Variants in DRG2 observed in about 807,000 individuals in gnomAD.
DRG2 encodes the protein developmentally regulated GTP binding protein 2.
DRG2 carries 36 observed loss-of-function variants against 53.4 expected under a neutral mutation model. The observed-to-expected ratio is 0.67, with a 90% CI of 0.52 to 0.89. The LOEUF is 0.89. Ranked by LOEUF, DRG2 falls within the 40% of genes least tolerant of loss-of-function variation. The pLI, the probability that DRG2 is intolerant of heterozygous loss-of-function variation, is 0.00. For synonymous variants in DRG2, 167 were observed against 192.1 expected, an observed-to-expected ratio of 0.87 and a Z score of 1.08; for missense variants, 342 against 481.2, an observed-to-expected ratio of 0.71 and a Z score of 2.71.
At chr17:18,093,777 G>A (rs2045378893) in intron 1 of DRG2, 36 bp from the exon 2 acceptor site, 1 of 1,601,440 alleles carries the variant, frequency 6.2e-7, no homozygotes, top group South Asian at 1.1e-5. Flanking sequence ...TGGACACCCT[G>A]GCCACTCATC....
At chr17:18,088,562 C>T (rs966664367) in intron 1 of DRG2, among the ~76,000 whole-genome samples, 3 of 152,190 alleles carry the variant, frequency 2.0e-5, no homozygotes, top group Non-Finnish European at 2.9e-5. Flanking sequence ...AGGTCCACCA[C>T]GTACCTTCTG....
chr17:18,106,495 C>T lies in DRG2; in HGVS notation c.1008+9C>T, dbSNP rs774161372. The T allele has an allele frequency of 1.1e-5, 17 of 1,613,676 alleles. No individual in the cohort carries two copies. Among genetic ancestry groups the T allele is most frequent in the Non-Finnish European group, 1.4e-5 (16 of 1,179,854 alleles). On this transcript the variant is annotated intron_variant, in intron 12 of 12. Transcript: ENST00000225729. ...AGTACGCCCTGGTGTGGGTGAGTCT[C>T]TGGGTGGAAAGCAACCAGGGGGGTA...
intron 1 of DRG2, among the ~76,000 whole-genome samples, chr17:18,090,407 T>TATATATATATATATATATA (rs71155314): frequency 5.0e-5 from 1 of 19,932 alleles, no homozygotes; most frequent in Non-Finnish European, 9.3e-5. Flanking sequence ...TATATATATA[T>TATATATATATATATATATA]TTTTTTTTTT....
Position 18,100,636 on chromosome 17 carries a change from T to C in DRG2, c.608T>C (p.Val203Ala), listed in dbSNP as rs1030561490. 3 of 1,614,144 alleles carry C rather than the reference T, an allele frequency of 1.9e-6. No individual in the cohort carries two copies. Among genetic ancestry groups the C allele is most frequent in the African/African-American group, 1.3e-5 (1 of 75,062 alleles). The change falls in exon 7 of 13, where the codon GTG (valine) becomes GCG (alanine). Residue 203 changes from valine (V) to alanine (A), a missense_variant. Val to Ala is a moderately conservative substitution (Grantham distance 64, BLOSUM62 0). Coordinates refer to ENST00000225729, the MANE Select transcript of DRG2 (RefSeq NM_001388.5). This position sits in a 1 kb window ranked among gnomAD's most constrained non-coding sequence, Gnocchi z 4.1. ...VTLTQCSEKL[V>A]QLILHEYKIF... ...CTGACCCAGTGCTCGGAAAAGCTGG[T>C]GCAGCTCATCCTGCACGAATACAGT...
At position 18,094,293 on chromosome 17, in the gene DRG2, G is replaced by T. The variant is rs140494697; in HGVS notation, c.225+320G>T. ...CATAGCATGAATGAGACAGAGCTCT[G>T]TCCCTGCCCACATAGATCTCCCATT... On this transcript the variant is annotated intron_variant, in intron 2 of 12. Transcript: ENST00000225729. The T allele has an allele frequency of 4.7e-3, 1,038 of 221,970 alleles. 6 individuals carry two copies. The highest frequency in any genetic ancestry group is 7.4e-3 in the Non-Finnish European group (819 of 111,314). 13.8% of individuals were successfully genotyped at this position (221,970 alleles called of 1,614,324 possible).
chr17:18,095,081 C>T (rs915352828), intron 2 of DRG2, among the ~76,000 whole-genome samples: 1 of 142,814 alleles, frequency 7.0e-6, no homozygotes, highest in African/African-American at 2.6e-5. Context: ...TGGAGTCTTG[C>T]TCGGCTCACT....
chr17:18,090,406 A>ATATTTTTT (rs1555532983), intron 1 of DRG2, among the ~76,000 whole-genome samples: 2 of 22,698 alleles, frequency 8.8e-5, no homozygotes, highest in African/African-American at 2.2e-4. Context: ...ATATATATAT[A>ATATTTTTT]TTTTTTTTTT....
At chr17:18,093,099 T>C (rs2045361871) in intron 1 of DRG2, among the ~76,000 whole-genome samples, 1 of 152,232 alleles carries the variant, frequency 6.6e-6, no homozygotes, top group Non-Finnish European at 1.5e-5. Flanking sequence ...TGACAAGTCA[T>C]GGACTTGGGA....
rs937333329 is a variant in DRG2, at chr17:18,107,431, G to A, written c.*191G>A. The A allele has an allele frequency of 9.6e-6, 6 of 621,834 alleles. No individual in the cohort carries two copies. In the African/African-American group the frequency reaches 1.1e-4, roughly 11 times the overall value. The allele number at this position is 621,834 out of a possible 1,614,324, so 38.5% of individuals were successfully genotyped here. On this transcript the variant is annotated 3_prime_UTR_variant, in exon 13 of 13. Coordinates refer to ENST00000225729, the MANE Select transcript of DRG2 (RefSeq NM_001388.5). ...TGTGTTGGGGCAAAGGGGCTCGGTT[G>A]GAGGCATTTCCCATAAGACTGAGCC...
Position 18,098,961 on chromosome 17 carries a change from G to A in DRG2, c.316-56G>A, listed in dbSNP as rs775064332. 8.6e-5 allele frequency: 137 copies of A among 1,600,296 alleles called. No individual in the cohort carries two copies. Among genetic ancestry groups the A allele is most frequent in the Non-Finnish European group, 1.1e-4 (126 of 1,168,616 alleles). ...TTCCAGATGTCCCAGATCCAGACAGGACCTTTCCAGTGGAGGCCCAGCCTT... is the reference window on the plus strand; with the variant it reads ...TTCCAGATGTCCCAGATCCAGACAGAACCTTTCCAGTGGAGGCCCAGCCTT... On this transcript the variant is annotated intron_variant, in intron 3 of 12. Coordinates refer to ENST00000225729, the MANE Select transcript of DRG2 (RefSeq NM_001388.5). The surrounding 1 kb of genome is among the most constrained non-coding windows in gnomAD (Gnocchi z 4.1).
chr17:18,098,612 C>G lies in DRG2; in HGVS notation c.315+253C>G, dbSNP rs2045473390. The G allele has an allele frequency of 2.1e-6, 1 of 485,526 alleles. No individual in the cohort carries two copies. 30.1% of individuals were successfully genotyped at this position (485,526 alleles called of 1,614,324 possible). A position where few individuals can be genotyped will look rare whatever the true frequency, so the allele number is the denominator to read the frequency against. On this transcript the variant is annotated intron_variant, in intron 3 of 12. Coordinates refer to ENST00000225729, the MANE Select transcript of DRG2 (RefSeq NM_001388.5). The surrounding 1 kb of genome is among the most constrained non-coding windows in gnomAD (Gnocchi z 4.1). The stretch of plus-strand genomic sequence containing the variant: ...CTTTGCCTGGCGCCCCCTGTGCTCT[C>G]CTCCCCAACACCACCACAGCTCTGG...
rs552445784 is a variant in DRG2 at position 18,106,440 on chromosome 17, G to T, written c.962G>T (p.Arg321Leu). Residue 321 changes from arginine (R) to leucine (L), a missense_variant, in exon 12 of 13, where the codon CGC (arginine) becomes CTC (leucine). Arg to Leu is a moderately radical substitution (Grantham distance 102). Coordinates refer to ENST00000225729, the MANE Select transcript of DRG2 (RefSeq NM_001388.5). ...KGASVEHVCH[R>L]IHRSLASQFK... Reference sequence around the variant, plus strand: ...CTCTCTCCTGTCCTCCAGTGCCACCGCATCCACCGGTCACTCGCCAGCCAG... The same window carrying T: ...CTCTCTCCTGTCCTCCAGTGCCACCTCATCCACCGGTCACTCGCCAGCCAG... The T allele has an allele frequency of 6.2e-7, 1 of 1,613,858 alleles. No homozygotes were observed. Among genetic ancestry groups the T allele is most frequent in the Non-Finnish European group, 8.5e-7 (1 of 1,179,910 alleles).
At chr17:18,105,455 G>T (rs1310085106) in intron 11 of DRG2, 2 of 152,258 alleles carry the variant, frequency 1.3e-5, no homozygotes, top group African/African-American at 4.8e-5. Context: ...CATTCATTCC[G>T]CAAGCCCAGC....
In DRG2 at chr17:18,099,071, G is replaced by A; in HGVS notation, c.370G>A (p.Ala124Thr). The A allele has an allele frequency of 1.2e-6, 2 of 1,614,008 alleles. No homozygotes were observed. Among genetic ancestry groups the A allele is most frequent in the African/African-American group, 2.7e-5 (2 of 75,064 alleles). ...CCTTCCTGGAATCATTGAAGGCGCAGCCCAAGGTGGGAGGCAGGGCAGGTG... is the reference window on the plus strand; with the variant it reads ...CCTTCCTGGAATCATTGAAGGCGCAACCCAAGGTGGGAGGCAGGGCAGGTG... ...LDLPGIIEGA[A>T]QGKGRGRQVI... The change falls in exon 4 of 13, where the codon GCC (alanine) becomes ACC (threonine). Residue 124 changes from alanine to threonine, a missense_variant. By Grantham distance (58) the Ala-to-Thr change is moderately conservative (BLOSUM62 0). Transcript: ENST00000225729. The surrounding 1 kb of genome is among the most constrained non-coding windows in gnomAD (Gnocchi z 4.4).
At chr17:18,102,028 G>T in intron 9 of DRG2, 31 bp downstream of exon 9, 1 of 1,595,374 alleles carries the variant, frequency 6.3e-7, no homozygotes. Context: ...CCACTCTGCT[G>T]TCCTTGCTGT....
At position 18,104,642 on chromosome 17, in the gene DRG2, C is replaced by G. The variant is rs140494271; in HGVS notation, c.915C>G (p.Asp305Glu). 6.2e-7 allele frequency: 1 copy of G among 1,613,884 alleles called. No homozygotes were observed. Among genetic ancestry groups the G allele is most frequent in the East Asian group, 2.2e-5 (1 of 44,882 alleles). ...CTGCAGAGAGGCCAGACTTCACAGA[C>G]GCCATCATTCTCCGGAAAGGGGCCT... ...KKRGQRPDFT[D>E]AIILRKGASV... Residue 305 changes from aspartate (D) to glutamate (E), a missense_variant, in exon 11 of 13, where the codon GAC (aspartate) becomes GAG (glutamate). Coordinates refer to ENST00000225729, the MANE Select transcript of DRG2 (RefSeq NM_001388.5).
intron 2 of DRG2, chr17:18,096,360 G>A (rs539997930): frequency 1.6e-4 from 25 of 152,224 alleles, no homozygotes; most frequent in African/African-American, 3.9e-4. Context: ...CCATTCATTT[G>A]TTTTATTCAA....
At chr17:18,106,781 C>T (rs854763) in intron 12 of DRG2, among the ~76,000 whole-genome samples, 1 of 148,404 alleles carries the variant, frequency 6.7e-6, no homozygotes, top group East Asian at 2.0e-4. Flanking sequence ...GCCTCGACAT[C>T]TGTGCAAAAG....
At position 18,098,879 on chromosome 17, in the gene DRG2, C is replaced by A; in HGVS notation, c.316-138C>A. Reference sequence around the variant, plus strand: ...ACTGGGCTGGGGTGGTGACAAGGCTCAGACTTGGCCACAGGTTGGCATCTG... The same window carrying A: ...ACTGGGCTGGGGTGGTGACAAGGCTAAGACTTGGCCACAGGTTGGCATCTG... On this transcript the variant is annotated intron_variant, in intron 3 of 12. Transcript: ENST00000225729. The surrounding 1 kb of genome is among the most constrained non-coding windows in gnomAD (Gnocchi z 4.1). 1 of 921,302 alleles carries A rather than the reference C, an allele frequency of 1.1e-6. No individual in the cohort carries two copies. Among genetic ancestry groups the A allele is most frequent in the Non-Finnish European group, 1.7e-6 (1 of 604,358 alleles). The allele number at this position is 921,302 out of a possible 1,614,324, so 57.1% of individuals were successfully genotyped here.
Sources: allele counts gnomAD v4.1 joint callset (sites outside exome capture counted in the v4.1 genomes callset), GRCh38; gene constraint gnomAD v4.1.1; non-coding constraint Gnocchi (gnomAD v3.1); transcripts MANE v1.5; gene names NCBI Gene and HGNC (gene_info 2026-07-23, HGNC 2026-07-21).